PDE4D: variants seen among roughly 807,000 people sequenced by gnomAD.
PDE4D encodes the protein 3',5'-cyclic-AMP phosphodiesterase 4D.
Under a neutral mutation model 87.4 loss-of-function variants are expected in PDE4D, and 24 were observed. The ratio of observed to expected loss-of-function variants is 0.27; its 90% confidence interval spans 0.20 to 0.39. The LOEUF (loss-of-function observed/expected upper bound fraction) is 0.39. PDE4D is among the 10% of genes least tolerant of loss of function. The probability of loss-of-function intolerance (pLI) is 1.00; values close to 1 mark genes in which losing one functional copy is unlikely to be tolerated. For synonymous variants in PDE4D, 384 were observed against 383.2 expected, an observed-to-expected ratio of 1.00 and a Z score of -0.02; for missense variants, 714 against 1,041.0, an observed-to-expected ratio of 0.69 and a Z score of 4.32.
chr5:59,612,784 T>G (rs879757657), intron 1 of PDE4D, among the ~76,000 whole-genome samples: 1 of 152,074 alleles, frequency 6.6e-6, no homozygotes, highest in African/African-American at 2.4e-5. Flanking sequence ...CATATCAGGC[T>G]GATGCAAGTT....
chr5:60,065,243 T>C (rs1337902139), intron 2 of PDE4D, among the ~76,000 whole-genome samples: 1 of 151,152 alleles, frequency 6.6e-6, no homozygotes, highest in Non-Finnish European at 1.5e-5. Context: ...AGCTAGGCTA[T>C]TGCAAATATA....
chr5:59,544,229 G>T (rs1462177269), intron 1 of PDE4D, among the ~76,000 whole-genome samples: 1 of 152,176 alleles, frequency 6.6e-6, no homozygotes, highest in East Asian at 1.9e-4. Flanking sequence ...ATTGAAGAAG[G>T]AACTCAGGGA....
intron 1 of PDE4D, among the ~76,000 whole-genome samples, chr5:59,483,322 CCTGA>C (rs1390440923): frequency 3.3e-5 from 5 of 151,994 alleles, no homozygotes; most frequent in African/African-American, 9.7e-5. Context: ...TTTGAAGAAC[CCTGA>C]CTAATAAACA....
chr5:59,828,295 T>C lies in PDE4D; in HGVS notation c.455+64873A>G, dbSNP rs1005977974. Among the ~76,000 whole-genome samples, 12 of 152,222 alleles carry C rather than the reference T, an allele frequency of 7.9e-5. No homozygotes were observed. The East Asian group carries it at 1.4e-3, about 17-fold the overall frequency. ...TAAATCTAAAATTAAAACTTCCAGA[T>C]ATATGTTATAGAAAATATTTTTTTC... is the stretch of plus-strand genomic sequence containing the variant. On this transcript the variant is annotated intron_variant, in intron 1 of 14. Coordinates refer to ENST00000340635, the MANE Select transcript of PDE4D (RefSeq NM_001104631.2).
At chr5:58,999,403 G>T in intron 6 of PDE4D, 1 of 590,418 alleles carries the variant, frequency 1.7e-6, no homozygotes, top group Non-Finnish European at 2.8e-6. Context: ...ATAACTGATA[G>T]TTTGAACAAA....
chr5:59,360,062 A>C (rs1361582650), intron 1 of PDE4D, among the ~76,000 whole-genome samples: 2 of 152,168 alleles, frequency 1.3e-5, no homozygotes, highest in African/African-American at 4.8e-5. Context: ...TTTGGTTCCA[A>C]GATTCCAGAT....
chr5:59,918,034 C>T (rs372198748), intron 3 of PDE4D, among the ~76,000 whole-genome samples: 1 of 151,736 alleles, frequency 6.6e-6, no homozygotes, highest in African/African-American at 2.4e-5. Flanking sequence ...TTATACTATA[C>T]ACAATCAATT....
chr5:60,322,367 TACACACAC>T (rs60232413), intron 1 of PDE4D, among the ~76,000 whole-genome samples: 1,602 of 132,790 alleles, frequency 0.012, 25 homozygotes, highest in East Asian at 0.065. Flanking sequence ...TGGACACACA[TACACACAC>T]ACACACACAC....
chr5:60,198,691 G>A lies in PDE4D; in HGVS notation c.-89-13004C>T, dbSNP rs749167840. 5.3e-5 allele frequency among the ~76,000 whole-genome samples: 8 copies of A among 151,514 alleles called. No individual in the cohort carries two copies. In the South Asian group the frequency reaches 6.3e-4, roughly 12 times the overall value. Reference sequence around the variant, plus strand: ...TGTCTTTAACACCAAGAGCCTCAGCGAGCTCTAAGAATCAAGGTAAATTAC... The same window carrying A: ...TGTCTTTAACACCAAGAGCCTCAGCAAGCTCTAAGAATCAAGGTAAATTAC... On this transcript the variant is annotated intron_variant, in intron 1 of 16. Transcript: ENST00000502484.
intron 1 of PDE4D, among the ~76,000 whole-genome samples, chr5:59,526,089 T>C (rs773174129): frequency 5.3e-5 from 8 of 152,216 alleles, no homozygotes; most frequent in Non-Finnish European, 1.0e-4. Flanking sequence ...CATTGCTTCC[T>C]GTGCCCTGTG....
intron 5 of PDE4D, among the ~76,000 whole-genome samples, chr5:59,055,081 A>G (rs13358738): frequency 0.061 from 9,232 of 152,196 alleles, 926 homozygotes; most frequent in African/African-American, 0.21. Flanking sequence ...TGAAATGCCT[A>G]TAGGAGACAG....
At chr5:59,630,232 ATTAAT>A in intron 1 of PDE4D, among the ~76,000 whole-genome samples, 1 of 152,336 alleles carries the variant, frequency 6.6e-6, no homozygotes, top group African/African-American at 2.4e-5. Context: ...TACATTTTAG[ATTAAT>A]TTAAGCATTG....
chr5:59,383,275 G>A (rs1449680889), intron 1 of PDE4D, among the ~76,000 whole-genome samples: 2 of 151,500 alleles, frequency 1.3e-5, no homozygotes, highest in Non-Finnish European at 2.9e-5. Context: ...TCTCACTTAT[G>A]TCCCCTCACT....
At chr5:60,078,517 A>G (rs1202959500) in intron 2 of PDE4D, among the ~76,000 whole-genome samples, 1 of 151,730 alleles carries the variant, frequency 6.6e-6, no homozygotes, top group Admixed American at 6.6e-5. Context: ...CCTATTGACC[A>G]TCCTCTAAGT....
At chr5:59,485,834 C>G (rs1805043322) in intron 1 of PDE4D, among the ~76,000 whole-genome samples, 1 of 152,068 alleles carries the variant, frequency 6.6e-6, no homozygotes, top group Non-Finnish European at 1.5e-5. Flanking sequence ...ATTCCCAGCT[C>G]CCTGACGTCA....
chr5:59,312,358 T>C (rs945830884), intron 1 of PDE4D, among the ~76,000 whole-genome samples: 1 of 152,170 alleles, frequency 6.6e-6, no homozygotes, highest in Non-Finnish European at 1.5e-5. Flanking sequence ...CGAAATGACT[T>C]ACACCTGGAA....
chr5:59,299,385 C>G (rs751657220), intron 1 of PDE4D, among the ~76,000 whole-genome samples: 2 of 152,282 alleles, frequency 1.3e-5, no homozygotes, highest in East Asian at 3.9e-4. Context: ...TCTGTGGGAA[C>G]GGACTTGATG....
chr5:59,150,500 T>C (rs1332070209), intron 5 of PDE4D, among the ~76,000 whole-genome samples: 2 of 152,104 alleles, frequency 1.3e-5, no homozygotes, highest in African/African-American at 4.8e-5. Context: ...AGTGCATATC[T>C]CCCCTGTCCT....
chr5:60,404,220 T>C (rs1741342102), intron 1 of PDE4D, among the ~76,000 whole-genome samples: 1 of 148,300 alleles, frequency 6.7e-6, no homozygotes. Flanking sequence ...CAGAGCCACA[T>C]TCATTCCTCA....
Sources: gnomAD v4.1 joint callset for allele counts (sites outside exome capture counted in the v4.1 genomes callset) on GRCh38, gnomAD v4.1.1 for gene constraint, MANE v1.5 for transcripts, NCBI Gene and HGNC (gene_info 2026-07-23, HGNC 2026-07-21) for gene names.